The following ACOX1 variants were observed in gnomAD, a reference collection of about 807,000 sequenced individuals.
The protein encoded by ACOX1 is peroxisomal acyl-coenzyme A oxidase 1.
Under a neutral mutation model 75.5 loss-of-function variants are expected in ACOX1, and 41 were observed. The observed-to-expected ratio is 0.54, with a 90% CI of 0.42 to 0.70. The LOEUF is 0.70. Ranked by LOEUF, ACOX1 falls within the 30% of genes least tolerant of loss-of-function variation. The probability of loss-of-function intolerance (pLI) is 0.00; values close to 1 mark genes in which losing one functional copy is unlikely to be tolerated. For missense variants in ACOX1, 630 were observed against 837.5 expected, an observed-to-expected ratio of 0.75 and a Z score of 3.06; for synonymous variants, 303 against 298.8, an observed-to-expected ratio of 1.01 and a Z score of -0.15.
At chr17:75,956,979 A>C (rs1241559142) in intron 4 of ACOX1, among the ~76,000 whole-genome samples, 49 of 15,178 alleles carry the variant, frequency 3.2e-3, no homozygotes, top group East Asian at 7.2e-3. Flanking sequence ...CTCTATATAT[A>C]TATATATATA....
rs1157335270 is a variant in ACOX1 at position 75,957,503 on chromosome 17, A to G, written c.494T>C (p.Leu165Pro). Residue 165 changes from leucine to proline, a missense_variant, in exon 4 of 14, where the codon CTC (leucine) becomes CCC (proline). Around this residue, in one of 2 missense-constraint regions of ACOX1, gnomAD observed 390 missense variants for 574.9 expected, o/e 0.68. Transcript: ENST00000293217. ...TYDPETQEFILNSPTVTSIKW... is the reference protein window; with the variant it reads ...TYDPETQEFIPNSPTVTSIKW... ...AATGGAGGTCACAGTAGGACTGTTGAGAATGAACTCCTGGGTTTCAGGGTC... is the reference window on the plus strand; with the variant it reads ...AATGGAGGTCACAGTAGGACTGTTGGGAATGAACTCCTGGGTTTCAGGGTC... 1.2e-6 allele frequency: 2 copies of G among 1,614,180 alleles called. No individual in the cohort carries two copies.
chr17:75,970,073 TACTCAGGAG>T (rs1330380617), intron 2 of ACOX1, among the ~76,000 whole-genome samples: 2 of 151,126 alleles, frequency 1.3e-5, no homozygotes, highest in African/African-American at 4.9e-5. Flanking sequence ...TGATCCCAGC[TACTCAGGAG>T]GCTGAGGCAG....
intron 2 of ACOX1, among the ~76,000 whole-genome samples, chr17:75,963,249 G>A (rs2065902063): frequency 1.3e-5 from 2 of 152,046 alleles, no homozygotes; most frequent in Admixed American, 1.3e-4. Context: ...TGGGCAATGG[G>A]TACTGCAAAA....
chr17:75,957,388 G>A lies in ACOX1; in HGVS notation c.538+71C>T, dbSNP rs113389394. 37,205 of 1,348,410 alleles carry A rather than the reference G, an allele frequency of 0.028. 648 individuals are homozygous for A. The highest frequency in any genetic ancestry group is 0.034 in the Non-Finnish European group (31,866 of 938,304). The allele number at this position is 1,348,410 out of a possible 1,614,324, so 83.5% of individuals were successfully genotyped here. On this transcript the variant is annotated intron_variant, in intron 4 of 13. Transcript: ENST00000293217. ...AAGTCTGGCCGACATTATCATAAAA[G>A]CTCTACATTCTAAGCAAAATCTCAT... is the stretch of plus-strand genomic sequence containing the variant.
chr17:75,975,120 C>A (rs1224606637), intron 2 of ACOX1, among the ~76,000 whole-genome samples: 1 of 147,976 alleles, frequency 6.8e-6, no homozygotes, highest in Non-Finnish European at 1.5e-5. Context: ...CCTTATTTTT[C>A]TATTTCCTAA....
chr17:75,975,537 G>A (rs972897570), intron 2 of ACOX1, among the ~76,000 whole-genome samples: 11 of 152,156 alleles, frequency 7.2e-5, no homozygotes, highest in African/African-American at 2.2e-4. Flanking sequence ...TCTTAGATAC[G>A]AATATTTCTA....
intron 2 of ACOX1, among the ~76,000 whole-genome samples, chr17:75,972,932 T>G (rs1322071950): frequency 6.6e-6 from 1 of 152,220 alleles, no homozygotes; most frequent in Non-Finnish European, 1.5e-5. Flanking sequence ...TTTTGATAAT[T>G]AGACATGAGG....
At position 75,957,509 on chromosome 17, in the gene ACOX1, A is replaced by T. The variant is rs573887012; in HGVS notation, c.488T>A (p.Phe163Tyr). 1 of 1,614,192 alleles carries T rather than the reference A, an allele frequency of 6.2e-7. No individual in the cohort carries two copies. The highest frequency in any genetic ancestry group is 1.3e-5 in the African/African-American group (1 of 75,058). The change falls in exon 4 of 14, where the codon TTC becomes TAC. Residue 163 changes from phenylalanine to tyrosine, a missense_variant. Phe to Tyr is a conservative substitution (Grantham distance 22, BLOSUM62 3). Transcript: ENST00000293217. Reference sequence around the variant, plus strand: ...GGTCACAGTAGGACTGTTGAGAATGAACTCCTGGGTTTCAGGGTCATACGT... The same window carrying T: ...GGTCACAGTAGGACTGTTGAGAATGTACTCCTGGGTTTCAGGGTCATACGT... Reference protein sequence around the residue: ...TATYDPETQEFILNSPTVTSI... With the variant: ...TATYDPETQEYILNSPTVTSI...
At position 75,948,415 on chromosome 17, in the gene ACOX1, G is replaced by T. The variant is rs35629489; in HGVS notation, c.1771C>A (p.Arg591Ser). 6.8e-6 allele frequency: 11 copies of T among 1,614,068 alleles called. No homozygotes were observed. The African/African-American group carries it at 1.3e-4, about 20-fold the overall frequency. Reference sequence around the variant, plus strand: ...ATCAGAGTGAGTAACTCCTTTACACGCTGGTTTACTTGTGTAATCTGAGGC... The same window carrying T: ...ATCAGAGTGAGTAACTCCTTTACACTCTGGTTTACTTGTGTAATCTGAGGC... ...TEPQITQVNQ[R>S]VKELLTLIRS... Residue 591 changes from arginine (R) to serine (S), a missense_variant, in exon 13 of 14, where the codon CGT becomes AGT. Physicochemically the swap from Arg to Ser is moderately radical, Grantham distance 110. Around this residue, in one of 2 missense-constraint regions of ACOX1, gnomAD observed 240 missense variants for 262.7 expected, o/e 0.91. Transcript: ENST00000293217.
chr17:75,968,124 A>C (rs536203963), intron 2 of ACOX1, among the ~76,000 whole-genome samples: 2 of 152,036 alleles, frequency 1.3e-5, no homozygotes, highest in African/African-American at 2.4e-5. Flanking sequence ...TGGGAAATTA[A>C]AACATTAAGT....
chr17:75,955,869 A>T lies in ACOX1; in HGVS notation c.617T>A (p.Ile206Asn), dbSNP rs1375352947. 6.2e-7 allele frequency: 1 copy of T among 1,614,188 alleles called. No homozygotes were observed. Among genetic ancestry groups the T allele is most frequent in the Non-Finnish European group, 8.5e-7 (1 of 1,180,026 alleles). ...GGTCCCGATTTCACGAATAGGTACG[A>T]TAAAGGCATGTAATCCATAGCATTT... is the stretch of plus-strand genomic sequence containing the variant. The part of the protein sequence containing the change: ...KGKCYGLHAF[I>N]VPIREIGTHK... The change falls in exon 5 of 14, where the codon ATC becomes AAC. Residue 206 changes from isoleucine (I) to asparagine (N), a missense_variant. Ile to Asn is a moderately radical substitution (Grantham distance 149, BLOSUM62 -3). Around this residue, in one of 2 missense-constraint regions of ACOX1, gnomAD observed 390 missense variants for 574.9 expected, o/e 0.68. Transcript: ENST00000293217.
In ACOX1 at chr17:75,955,601, T is replaced by C; in HGVS notation, c.739A>G (p.Ile247Val). The change falls in exon 6 of 14, where the codon ATT becomes GTT. Residue 247 changes from isoleucine to valine, a missense_variant. Ile to Val is a conservative substitution (Grantham distance 29). Around this residue, in one of 2 missense-constraint regions of ACOX1, gnomAD observed 390 missense variants for 574.9 expected, o/e 0.68. Coordinates refer to ENST00000293217, the MANE Select transcript of ACOX1 (RefSeq NM_004035.7). ...NGYLKMDNHRIPRENMLMKYA... is the reference protein window; with the variant it reads ...NGYLKMDNHRVPRENMLMKYA... ...TTCATCAGCATGTTTTCTCTGGGAA[T>C]ACGATGGTTGTCCATTTTGAGGTAG... The C allele has an allele frequency of 1.9e-6, 3 of 1,614,202 alleles. No individual in the cohort carries two copies. Among genetic ancestry groups the C allele is most frequent in the African/African-American group, 1.3e-5 (1 of 75,052 alleles).
At chr17:75,977,182 G>C (rs985428536) in intron 2 of ACOX1, among the ~76,000 whole-genome samples, 7 of 150,164 alleles carry the variant, frequency 4.7e-5, no homozygotes, top group Admixed American at 1.3e-4. Flanking sequence ...ATTTTTAGTA[G>C]AGAGAGTTTC....
chr17:75,964,002 G>A (rs1218992893), intron 2 of ACOX1, among the ~76,000 whole-genome samples: 1 of 151,728 alleles, frequency 6.6e-6, no homozygotes, highest in Admixed American at 6.6e-5. Flanking sequence ...TGGGCAACAT[G>A]GTGAAACCCC....
chr17:75,955,496 C>T, intron 6 of ACOX1, 70 bp downstream of exon 6: 1 of 1,251,856 alleles, frequency 8.0e-7, no homozygotes, highest in South Asian at 1.2e-5. Flanking sequence ...ACCATTCTAA[C>T]CCTATTGTGA....
intron 10 of ACOX1, 47 bp from the exon 11 acceptor site, chr17:75,949,647 C>CAG (rs1187109360): frequency 9.3e-6 from 15 of 1,612,884 alleles, no homozygotes; most frequent in Non-Finnish European, 1.3e-5. Context: ...CAACAGTACT[C>CAG]ATGCCTTCTT....
chr17:75,952,373 C>T (rs372673059), intron 7 of ACOX1, among the ~76,000 whole-genome samples: 22 of 151,882 alleles, frequency 1.4e-4, no homozygotes, highest in African/African-American at 4.8e-4. Context: ...CGGCTCACTA[C>T]AACCTCCACT....
chr17:75,976,558 T>A (rs58052243), intron 2 of ACOX1, among the ~76,000 whole-genome samples: 4,492 of 152,298 alleles, frequency 0.029, 73 homozygotes, highest in Middle Eastern at 0.051. Flanking sequence ...CCCACAGCCA[T>A]GAGTTACAAA....
At chr17:75,958,370 A>T (rs2065853506) in intron 3 of ACOX1, among the ~76,000 whole-genome samples, 1 of 145,232 alleles carries the variant, frequency 6.9e-6, no homozygotes. Context: ...AAAAAAAAAG[A>T]AAAAGAAAAA....
Sources: allele counts gnomAD v4.1 joint callset (sites outside exome capture counted in the v4.1 genomes callset), GRCh38; gene constraint gnomAD v4.1.1; regional missense constraint gnomAD v4.1.1; transcripts MANE v1.5; gene names NCBI Gene and HGNC (gene_info 2026-07-23, HGNC 2026-07-21).